NEK1: variants seen among roughly 807,000 people sequenced by gnomAD.
The protein encoded by NEK1 is NIMA related kinase 1.
In NEK1, 137 loss-of-function variants were observed where a neutral mutation model predicts 182.1. That is an observed-to-expected ratio of 0.75 (90% CI 0.65 to 0.87). The LOEUF is 0.87. Ranked by LOEUF, NEK1 falls within the 40% of genes least tolerant of loss-of-function variation. The probability of loss-of-function intolerance (pLI) is 0.00; values close to 1 mark genes in which losing one functional copy is unlikely to be tolerated. For synonymous variants in NEK1, 513 were observed against 492.2 expected, an observed-to-expected ratio of 1.04 and a Z score of -0.56; for missense variants, 1,391 against 1,494.4, an observed-to-expected ratio of 0.93 and a Z score of 1.14.
chr4:169,399,043 GTTCGAGGCCAGCC>G (rs748856867), intron 35 of NEK1, among the ~76,000 whole-genome samples: 1 of 151,578 alleles, frequency 6.6e-6, no homozygotes, highest in Non-Finnish European at 1.5e-5. Flanking sequence ...GAGGTCAGGA[GTTCGAGGCCAGCC>G]TGGCCAACAT....
intron 27 of NEK1, among the ~76,000 whole-genome samples, chr4:169,445,865 T>TATATACAC (rs569539235): frequency 2.1e-4 from 30 of 143,218 alleles, no homozygotes; most frequent in East Asian, 3.9e-4. Context: ...TATATATATA[T>TATATACAC]ACACACACAC....
intron 12 of NEK1, among the ~76,000 whole-genome samples, chr4:169,564,847 T>C (rs1400194243): frequency 6.6e-6 from 1 of 152,148 alleles, no homozygotes; most frequent in East Asian, 1.9e-4. Context: ...GTAATGTGCT[T>C]TGGCATTTTA....
intron 12 of NEK1, among the ~76,000 whole-genome samples, chr4:169,572,107 G>T (rs1362878037): frequency 2.6e-5 from 4 of 152,078 alleles, no homozygotes; most frequent in African/African-American, 9.6e-5. Context: ...AGAGTGTAAC[G>T]ATCTGACTTC....
intron 31 of NEK1, among the ~76,000 whole-genome samples, chr4:169,408,024 C>G (rs1732942327): frequency 6.6e-6 from 1 of 152,076 alleles, no homozygotes. Flanking sequence ...AGAATTCACA[C>G]TTTCCTTGTT....
At position 169,560,588 on chromosome 4, in the gene NEK1, C is replaced by T. The variant is rs1483146801; in HGVS notation, c.1266+892G>A. Among the ~76,000 whole-genome samples the T allele has an allele frequency of 3.3e-5, 5 of 152,036 alleles. No individual in the cohort carries two copies. The East Asian group carries it at 9.7e-4, about 29-fold the overall frequency. Reference sequence around the variant, plus strand: ...TTATACTCAAGGGAATGGAATAACACAAGGTGTGTATACCGCAGTTGAGAA... The same window carrying T: ...TTATACTCAAGGGAATGGAATAACATAAGGTGTGTATACCGCAGTTGAGAA... On this transcript the variant is annotated intron_variant, in intron 16 of 35. Transcript: ENST00000507142.
At chr4:169,404,289 A>T (rs1458506206) in intron 32 of NEK1, among the ~76,000 whole-genome samples, 1 of 152,164 alleles carries the variant, frequency 6.6e-6, no homozygotes, top group Non-Finnish European at 1.5e-5. Context: ...ACAAAAGTAA[A>T]AAGGTAACTT....
intron 12 of NEK1, among the ~76,000 whole-genome samples, chr4:169,565,301 T>C (rs1248112717): frequency 6.6e-6 from 1 of 152,232 alleles, no homozygotes; most frequent in African/African-American, 2.4e-5. Flanking sequence ...ACTATATGTA[T>C]AGCAGACCCT....
At chr4:169,447,973 CCAGGAATTTGA>C (rs1263757417) in intron 27 of NEK1, among the ~76,000 whole-genome samples, 1 of 151,870 alleles carries the variant, frequency 6.6e-6, no homozygotes, top group Non-Finnish European at 1.5e-5. Flanking sequence ...TTGCTGGAAC[CCAGGAATTTGA>C]AACCAGCCTG....
chr4:169,396,014 C>T (rs1440760974), intron 35 of NEK1, among the ~76,000 whole-genome samples: 1 of 152,030 alleles, frequency 6.6e-6, no homozygotes, highest in Non-Finnish European at 1.5e-5. Flanking sequence ...ATTACATAAA[C>T]GCAGCCCAAT....
intron 31 of NEK1, among the ~76,000 whole-genome samples, chr4:169,411,962 AT>A (rs1733752531): frequency 6.6e-6 from 1 of 152,216 alleles, no homozygotes; most frequent in African/African-American, 2.4e-5. Context: ...AATGGGGCTC[AT>A]GTACACAAAC....
At chr4:169,607,607 C>T (rs544996482) in intron 2 of NEK1, among the ~76,000 whole-genome samples, 4 of 151,998 alleles carry the variant, frequency 2.6e-5, no homozygotes, top group African/African-American at 7.2e-5. Flanking sequence ...GGACTACAGG[C>T]GCCTGCCACC....
intron 12 of NEK1, among the ~76,000 whole-genome samples, chr4:169,570,289 C>T (rs543384584): frequency 1.0e-4 from 15 of 150,422 alleles, no homozygotes; most frequent in Admixed American, 3.3e-4. Flanking sequence ...GGAGCCCCTC[C>T]GCCCAGCAGC....
intron 27 of NEK1, among the ~76,000 whole-genome samples, chr4:169,460,601 C>A (rs1743788105): frequency 6.6e-6 from 1 of 151,948 alleles, no homozygotes; most frequent in African/African-American, 2.4e-5. Flanking sequence ...AAAAAACCCA[C>A]TATGTACTGT....
intron 2 of NEK1, 116 bp from the exon 3 acceptor site, chr4:169,602,794 G>A (rs1345058082): frequency 4.3e-5 from 23 of 530,808 alleles, no homozygotes; most frequent in South Asian, 3.0e-4. Context: ...TTTAAAAAAG[G>A]ATATTTAATA....
At chr4:169,480,362 G>A (rs1182609998) in intron 23 of NEK1, among the ~76,000 whole-genome samples, 4 of 151,926 alleles carry the variant, frequency 2.6e-5, no homozygotes, top group Non-Finnish European at 5.9e-5. Flanking sequence ...CTGCAATAAC[G>A]GTAATATTGC....
intron 12 of NEK1, among the ~76,000 whole-genome samples, chr4:169,567,872 T>C (rs1174859791): frequency 2.6e-5 from 4 of 151,986 alleles, no homozygotes; most frequent in Non-Finnish European, 5.9e-5. Flanking sequence ...TTCAGAATAT[T>C]TGATAGTAGA....
intron 16 of NEK1, among the ~76,000 whole-genome samples, chr4:169,557,824 A>T (rs1762371003): frequency 6.6e-6 from 1 of 152,090 alleles, no homozygotes; most frequent in Non-Finnish European, 1.5e-5. Flanking sequence ...CCAGCTACTC[A>T]GGAGGCTGAG....
At chr4:169,408,582 A>G (rs1733055690) in intron 31 of NEK1, among the ~76,000 whole-genome samples, 1 of 152,142 alleles carries the variant, frequency 6.6e-6, no homozygotes, top group African/African-American at 2.4e-5. Flanking sequence ...CGAGCAGTGT[A>G]CACTGTACCC....
At chr4:169,611,394 T>C (rs1772304031) in intron 2 of NEK1, among the ~76,000 whole-genome samples, 1 of 152,202 alleles carries the variant, frequency 6.6e-6, no homozygotes, top group Non-Finnish European at 1.5e-5. Context: ...AAGGAGTTAC[T>C]TCTCTCCAAA....
Sources: allele counts gnomAD v4.1 joint callset (sites outside exome capture counted in the v4.1 genomes callset), GRCh38; gene constraint gnomAD v4.1.1; transcripts MANE v1.5; gene names NCBI Gene and HGNC (gene_info 2026-07-23, HGNC 2026-07-21).